The following DPP6 variants were observed in gnomAD, a reference collection of about 807,000 sequenced individuals.
DPP6 encodes the protein dipeptidyl peptidase like 6, also known as A-type potassium channel modulatory protein DPP6.
A neutral mutation model predicts 122.6 loss-of-function variants in DPP6; 69 were observed. That is an observed-to-expected ratio of 0.56 (90% CI 0.46 to 0.69). The LOEUF (loss-of-function observed/expected upper bound fraction) is 0.69. Ranked by LOEUF, DPP6 falls within the 30% of genes least tolerant of loss-of-function variation. DPP6 has a pLI of 0.00. For synonymous variants in DPP6, 418 were observed against 433.1 expected (o/e 0.97, Z 0.43); for missense variants, 928 against 1,116.9 (o/e 0.83, Z 2.41).
chr7:154,234,901 G>C (rs753826193), intron 1 of DPP6, among the ~76,000 whole-genome samples: 6 of 152,142 alleles, frequency 3.9e-5, no homozygotes, highest in Non-Finnish European at 8.8e-5. Context: ...GCCCTGGGAG[G>C]CCTGGGATCC....
chr7:154,035,431 A>C lies in DPP6; in HGVS notation c.51+147697A>C, dbSNP rs1799469728. 2.0e-5 allele frequency among the ~76,000 whole-genome samples: 3 copies of C among 152,252 alleles called. No individual in the cohort carries two copies. In the South Asian group the frequency reaches 6.2e-4, roughly 31 times the overall value. On this transcript the variant is annotated intron_variant, in intron 1 of 25. Transcript: ENST00000404039. ...ATCATTCTATTCATTAGAGATAATGAAAAAGTAACACAAACATGATGTGAT... is the reference window on the plus strand; with the variant it reads ...ATCATTCTATTCATTAGAGATAATGCAAAAGTAACACAAACATGATGTGAT...
At chr7:154,244,348 ATAAAAT>A (rs1437883254) in intron 1 of DPP6, among the ~76,000 whole-genome samples, 1 of 152,190 alleles carries the variant, frequency 6.6e-6, no homozygotes, top group Non-Finnish European at 1.5e-5. Context: ...GTGAAAAACA[ATAAAAT>A]TAAGAGTCAG....
intron 7 of DPP6, among the ~76,000 whole-genome samples, chr7:154,697,784 C>T (rs1840300622): frequency 1.3e-5 from 2 of 152,152 alleles, no homozygotes; most frequent in South Asian, 2.1e-4. Context: ...CTCCCAGGTT[C>T]GAATTCCCAC....
intron 1 of DPP6, among the ~76,000 whole-genome samples, chr7:154,114,803 C>G (rs1806860727): frequency 6.6e-6 from 1 of 152,206 alleles, no homozygotes; most frequent in East Asian, 1.9e-4. Flanking sequence ...GTCTTTTTTG[C>G]TGCCAGAATG....
intron 1 of DPP6, among the ~76,000 whole-genome samples, chr7:154,137,751 G>A (rs1024107343): frequency 8.6e-5 from 13 of 151,954 alleles, no homozygotes; most frequent in Admixed American, 6.5e-5. Context: ...AGTGCTCAGG[G>A]AATGATCATG....
intron 3 of DPP6, among the ~76,000 whole-genome samples, chr7:154,539,492 G>A (rs918961253): frequency 3.3e-5 from 5 of 152,068 alleles, no homozygotes; most frequent in African/African-American, 1.2e-4. Context: ...TACGGTGGGG[G>A]GCAGGGGGAG....
chr7:154,184,129 A>G (rs527902243), intron 1 of DPP6, among the ~76,000 whole-genome samples: 7 of 152,146 alleles, frequency 4.6e-5, no homozygotes. Flanking sequence ...ACCAAGAAGC[A>G]GGGACCAGCC....
the DPP6 span, among the ~76,000 whole-genome samples, chr7:153,812,694 C>CT: frequency 6.6e-6 from 1 of 152,194 alleles, no homozygotes; most frequent in African/African-American, 2.4e-5. Context: ...GAGGTCAAGG[C>CT]TGCAAGGACT....
chr7:154,806,165 C>A (rs1161877783), intron 15 of DPP6, among the ~76,000 whole-genome samples: 1 of 152,234 alleles, frequency 6.6e-6, no homozygotes, highest in East Asian at 1.9e-4. Context: ...GAGAGGCTGC[C>A]TGTGGCCCCT....
At chr7:154,221,679 G>T (rs923882063) in intron 1 of DPP6, among the ~76,000 whole-genome samples, 2 of 152,100 alleles carry the variant, frequency 1.3e-5, no homozygotes, top group East Asian at 1.9e-4. Context: ...TATTAAAATG[G>T]TTATAATAAT....
chr7:154,388,387 CTT>C (rs1448154708), intron 1 of DPP6, among the ~76,000 whole-genome samples: 1 of 152,214 alleles, frequency 6.6e-6, no homozygotes. Flanking sequence ...AAGACATTGA[CTT>C]TCAAATCCAG....
In DPP6 at chr7:154,797,571, A is replaced by C. The variant is rs973272954; in HGVS notation, c.1299+1688A>C. ...GCTACCTTATTGTACAATTCCATCT[A>C]TATAAAATATCCAGAATAAATAAAC... On this transcript the variant is annotated intron_variant, in intron 12 of 25. Coordinates refer to ENST00000377770, the MANE Select transcript of DPP6 (RefSeq NM_130797.4). 4.6e-5 allele frequency among the ~76,000 whole-genome samples: 7 copies of C among 152,314 alleles called. No individual in the cohort carries two copies. The East Asian group carries it at 5.8e-4, about 13-fold the overall frequency.
At position 154,157,234 on chromosome 7, in the gene DPP6, G is replaced by C. The variant is rs375650996; in HGVS notation, c.243+104171G>C. Among the ~76,000 whole-genome samples, 355 of 152,348 alleles carry C rather than the reference G, an allele frequency of 2.3e-3. 3 individuals carry two copies. Among genetic ancestry groups the C allele is most frequent in the African/African-American group, 8.3e-3 (344 of 41,582 alleles). Reference sequence around the variant, plus strand: ...AATTTCAGAGCCAAGAGAAAAGAAGGAATCAGATAGTGATAACCCAGTGAG... The same window carrying C: ...AATTTCAGAGCCAAGAGAAAAGAAGCAATCAGATAGTGATAACCCAGTGAG... On this transcript the variant is annotated intron_variant, in intron 1 of 25. Transcript: ENST00000377770.
chr7:154,621,846 C>T (rs1834700938), intron 5 of DPP6, among the ~76,000 whole-genome samples: 1 of 152,136 alleles, frequency 6.6e-6, no homozygotes, highest in African/African-American at 2.4e-5. Flanking sequence ...GCAAACAGTG[C>T]CACCCAACAC....
At chr7:154,807,260 A>C in intron 16 of DPP6, 148 bp downstream of exon 16, 1 of 1,238,420 alleles carries the variant, frequency 8.1e-7, no homozygotes, top group Non-Finnish European at 1.1e-6. Context: ...ACCTGATAAC[A>C]TTGCTTATGG....
chr7:154,248,877 A>T lies in DPP6; in HGVS notation c.243+195814A>T, dbSNP rs1479620652. On this transcript the variant is annotated intron_variant, in intron 1 of 25. Transcript: ENST00000377770. ...GGAGACTCCGTCTCAGGAAAAAAAA[A>T]AAAGAAAAGGCATTGAACTGTACAT... is the stretch of plus-strand genomic sequence containing the variant. 3.9e-5 allele frequency among the ~76,000 whole-genome samples: 6 copies of T among 152,164 alleles called. No homozygotes were observed. The East Asian group carries it at 1.2e-3, about 29-fold the overall frequency.
Position 154,877,422 on chromosome 7 carries a change from CA to C in DPP6, c.2078+1323del. Among the ~76,000 whole-genome samples, 1 of 152,054 alleles carries C rather than the reference CA, an allele frequency of 6.6e-6. No individual in the cohort carries two copies. The highest frequency in any genetic ancestry group is 1.5e-5 in the Non-Finnish European group (1 of 68,004). On this transcript the variant is annotated intron_variant, in intron 20 of 25. Coordinates refer to ENST00000377770, the MANE Select transcript of DPP6 (RefSeq NM_130797.4). The surrounding 1 kb of genome is among the most constrained non-coding windows in gnomAD (Gnocchi z 5.2). ...GTGTGCGTGCACACACACACACACA[CA>C]CACACACACCTCTCAAATAAGGAAC...
chr7:153,952,478 A>G (rs1013516241), intron 1 of DPP6, among the ~76,000 whole-genome samples: 2 of 152,098 alleles, frequency 1.3e-5, no homozygotes, highest in African/African-American at 4.8e-5. Context: ...CAAATTAAAG[A>G]AAGTGTTTTA....
At chr7:154,058,768 G>A (rs1438517644) in intron 1 of DPP6, 1 of 146,246 alleles carries the variant, frequency 6.8e-6, no homozygotes, top group Non-Finnish European at 1.5e-5. Context: ...CCCCGGCTCT[G>A]AGGAACCCCA....
Sources: allele counts gnomAD v4.1 joint callset (sites outside exome capture counted in the v4.1 genomes callset), GRCh38; gene constraint gnomAD v4.1.1; non-coding constraint Gnocchi (gnomAD v3.1); transcripts MANE v1.5; gene names NCBI Gene and HGNC (gene_info 2026-07-23, HGNC 2026-07-21).